KCNIP1: variants seen among roughly 807,000 people sequenced by gnomAD.
KCNIP1 encodes the protein A-type potassium channel modulatory protein KCNIP1.
A neutral mutation model predicts 33.0 loss-of-function variants in KCNIP1; 18 were observed. The ratio of observed to expected loss-of-function variants is 0.55; its 90% CI spans 0.38 to 0.81. The LOEUF is 0.81. Among genes scored for constraint, KCNIP1 ranks in the 30% least tolerant of loss-of-function variants. The pLI is 0.00. For missense variants in KCNIP1, 238 were observed against 271.6 expected, an observed-to-expected ratio of 0.88 and a Z score of 0.87; for synonymous variants, 93 against 98.3, an observed-to-expected ratio of 0.95 and a Z score of 0.32.
chr5:170,729,298 A>G lies in KCNIP1; in HGVS notation c.436-3502A>G, dbSNP rs186255401. On this transcript the variant is annotated intron_variant, in intron 5 of 7. Transcript: ENST00000328939. Reference sequence around the variant, plus strand: ...CTGCATATCAAAAAATACCATAAACAAAGTTGAAAAGTAAGTGACAAACTT... The same window carrying G: ...CTGCATATCAAAAAATACCATAAACGAAGTTGAAAAGTAAGTGACAAACTT... Among the ~76,000 whole-genome samples the G allele has an allele frequency of 3.0e-4, 46 of 152,088 alleles. 1 individual carries two copies. The highest frequency in any genetic ancestry group is 1.1e-3 in the African/African-American group (44 of 41,454).
chr5:170,384,648 C>T (rs950182599), intron 1 of KCNIP1, among the ~76,000 whole-genome samples: 6 of 152,214 alleles, frequency 3.9e-5, no homozygotes, highest in African/African-American at 1.4e-4. Context: ...GAGCACAGGT[C>T]TGAGACTTAT....
At chr5:170,398,564 GTACAGTCCTTTA>G (rs1197696012) in intron 1 of KCNIP1, among the ~76,000 whole-genome samples, 2 of 152,202 alleles carry the variant, frequency 1.3e-5, no homozygotes, top group Non-Finnish European at 1.5e-5. Flanking sequence ...TAGCAAGATT[GTACAGTCCTTTA>G]TATGTTCATT....
chr5:170,492,398 T>A (rs774253980), intron 1 of KCNIP1, among the ~76,000 whole-genome samples: 9 of 152,254 alleles, frequency 5.9e-5, no homozygotes, highest in Non-Finnish European at 1.2e-4. Context: ...CAGGCATGCC[T>A]TTCTCCCAGC....
intron 1 of KCNIP1, among the ~76,000 whole-genome samples, chr5:170,520,030 C>A (rs1315283046): frequency 6.6e-6 from 1 of 152,066 alleles, no homozygotes; most frequent in African/African-American, 2.4e-5. Context: ...GCAGGCAGTC[C>A]CCAAGCTTCT....
intron 1 of KCNIP1, among the ~76,000 whole-genome samples, chr5:170,617,240 C>T (rs1384032683): frequency 6.6e-6 from 1 of 151,920 alleles, no homozygotes; most frequent in Non-Finnish European, 1.5e-5. Context: ...CAGACTGGGG[C>T]ATTGTGGACA....
chr5:170,675,579 C>T (rs559154143), intron 1 of KCNIP1, among the ~76,000 whole-genome samples: 163 of 152,272 alleles, frequency 1.1e-3, no homozygotes, highest in African/African-American at 3.7e-3. Context: ...CGAGATTGTG[C>T]CACTGCACTC....
intron 1 of KCNIP1, among the ~76,000 whole-genome samples, chr5:170,430,131 GA>G (rs1755707981): frequency 6.6e-6 from 1 of 152,202 alleles, no homozygotes; most frequent in Admixed American, 6.5e-5. Context: ...GCTCACCTTG[GA>G]AAATCAGGTG....
At chr5:170,393,819 C>T (rs527779104) in intron 1 of KCNIP1, among the ~76,000 whole-genome samples, 50 of 152,274 alleles carry the variant, frequency 3.3e-4, no homozygotes, top group African/African-American at 1.2e-3. Flanking sequence ...CCTGATTTTT[C>T]TTCCTTTATC....
chr5:170,510,414 C>T (rs577865826), intron 1 of KCNIP1, among the ~76,000 whole-genome samples: 3 of 152,184 alleles, frequency 2.0e-5, no homozygotes, highest in African/African-American at 7.2e-5. Flanking sequence ...TGGCTCTGAG[C>T]GGTGTGAGAA....
At chr5:170,581,450 T>C (rs1046656777) in intron 1 of KCNIP1, among the ~76,000 whole-genome samples, 12 of 152,218 alleles carry the variant, frequency 7.9e-5, no homozygotes, top group South Asian at 2.1e-4. Context: ...TTTTAATTCA[T>C]TGGTCATGGT....
chr5:170,448,254 G>A (rs1356999704), intron 1 of KCNIP1, among the ~76,000 whole-genome samples: 1 of 152,254 alleles, frequency 6.6e-6, no homozygotes, highest in Non-Finnish European at 1.5e-5. Context: ...GCAGCATGGA[G>A]CAGCTTCAGT....
intron 1 of KCNIP1, among the ~76,000 whole-genome samples, chr5:170,694,126 C>T (rs547268543): frequency 1.3e-5 from 2 of 152,288 alleles, no homozygotes; most frequent in East Asian, 3.9e-4. Flanking sequence ...TCACTGGAAA[C>T]CTTGCCTCAC....
intron 1 of KCNIP1, among the ~76,000 whole-genome samples, chr5:170,587,524 T>C (rs528965432): frequency 3.9e-5 from 6 of 151,902 alleles, no homozygotes; most frequent in Non-Finnish European, 8.8e-5. Flanking sequence ...AATCAAGGTG[T>C]TGTAGTGCTG....
intron 1 of KCNIP1, among the ~76,000 whole-genome samples, chr5:170,368,750 C>T (rs1238887835): frequency 6.6e-6 from 1 of 152,218 alleles, no homozygotes; most frequent in Non-Finnish European, 1.5e-5. Flanking sequence ...TGTGGCAATA[C>T]ACCCCGAACT....
intron 1 of KCNIP1, among the ~76,000 whole-genome samples, chr5:170,531,664 AG>A (rs1360955058): frequency 6.6e-6 from 1 of 152,202 alleles, no homozygotes; most frequent in African/African-American, 2.4e-5. Flanking sequence ...TTGAAGAAAC[AG>A]GATCTGTTCC....
chr5:170,623,684 C>T (rs1759701947), intron 1 of KCNIP1, among the ~76,000 whole-genome samples: 1 of 152,150 alleles, frequency 6.6e-6, no homozygotes, highest in Non-Finnish European at 1.5e-5. Context: ...GTGAGGATGG[C>T]GGGAGGGGCT....
At chr5:170,496,531 T>A (rs1757314447) in intron 1 of KCNIP1, among the ~76,000 whole-genome samples, 1 of 152,172 alleles carries the variant, frequency 6.6e-6, no homozygotes, top group African/African-American at 2.4e-5. Context: ...TTGAAATGAT[T>A]AAGTGAGATC....
chr5:170,623,811 AG>A (rs1281332271), intron 1 of KCNIP1, among the ~76,000 whole-genome samples: 7 of 152,140 alleles, frequency 4.6e-5, no homozygotes, highest in African/African-American at 1.7e-4. Context: ...ACTCAGGAAA[AG>A]GTTCTCATTT....
In KCNIP1 at chr5:170,583,435, G is replaced by A. The variant is rs117867785; in HGVS notation, c.61+78802G>A. Among the ~76,000 whole-genome samples the A allele has an allele frequency of 3.2e-4, 48 of 152,254 alleles. No individual in the cohort carries two copies. In the East Asian group the frequency reaches 9.3e-3, roughly 29 times the overall value. The stretch of plus-strand genomic sequence containing the variant: ...AGATCGTGGTGGTGATGATGATGAT[G>A]GGGAGGGAGAGGAAGAGGAGGGGGA... On this transcript the variant is annotated intron_variant, in intron 1 of 7. Coordinates refer to ENST00000328939, the MANE Select transcript of KCNIP1 (RefSeq NM_014592.4).
Sources: allele counts gnomAD v4.1 joint callset (sites outside exome capture counted in the v4.1 genomes callset), GRCh38; gene constraint gnomAD v4.1.1; transcripts MANE v1.5; gene names NCBI Gene and HGNC (gene_info 2026-07-23, HGNC 2026-07-21).